The following C2CD2 variants were observed in gnomAD, a reference collection of about 807,000 sequenced individuals.
C2CD2 encodes the protein C2 calcium dependent domain containing 2, also known as C2 domain-containing protein 2.
Under a neutral mutation model 74.3 loss-of-function variants are expected in C2CD2, and 43 were observed. The ratio of observed to expected loss-of-function variants is 0.58; its 90% CI spans 0.45 to 0.75. C2CD2 has a LOEUF of 0.75. Ranked by LOEUF, C2CD2 falls within the 30% of genes least tolerant of loss-of-function variation. The pLI, the probability that C2CD2 is intolerant of heterozygous loss-of-function variation, is 0.00. For synonymous variants in C2CD2, 422 were observed against 390.7 expected (o/e 1.08, Z -0.94); for missense variants, 801 against 916.3 (o/e 0.87, Z 1.63).
chr21:41,898,985 T>C, intron 13 of C2CD2, 68 bp downstream of exon 13: 2 of 1,233,996 alleles, frequency 1.6e-6, no homozygotes, highest in Non-Finnish European at 2.4e-6. Context: ...TGACTTCAGC[T>C]TGGAAGCCAG....
chr21:41,905,888 C>G, intron 10 of C2CD2, 51 bp from the exon 11 acceptor site: 2 of 978,190 alleles, frequency 2.0e-6, no homozygotes, highest in South Asian at 2.6e-5. Flanking sequence ...CTGACTGGAT[C>G]AACAGTTACC....
chr21:41,907,744 C>T lies in C2CD2; in HGVS notation c.1059G>A (p.Lys353=). 1.2e-6 allele frequency: 2 copies of T among 1,613,856 alleles called. No individual in the cohort carries two copies. The part of the protein sequence containing the change: ...ATATVPLDLF[K]KQPSGPQSFT... ...AGCTCTGTGGCCCAGAAGGCTGCTTCTTAAATAAGTCCAGAGGAACTGTCG... is the reference window on the plus strand; with the variant it reads ...AGCTCTGTGGCCCAGAAGGCTGCTTTTTAAATAAGTCCAGAGGAACTGTCG... The change falls in exon 9 of 14, where the codon AAG becomes AAA. Residue 353 remains lysine, a synonymous_variant. Coordinates refer to ENST00000380486, the MANE Select transcript of C2CD2 (RefSeq NM_015500.2).
chr21:41,898,246 T>C (rs2064847071), intron 13 of C2CD2, among the ~76,000 whole-genome samples: 1 of 152,200 alleles, frequency 6.6e-6, no homozygotes, highest in South Asian at 2.1e-4. Flanking sequence ...CCCCCAGTCC[T>C]GTCTTCTGCA....
At chr21:41,901,953 C>T (rs1436821091) in intron 11 of C2CD2, among the ~76,000 whole-genome samples, 2 of 152,162 alleles carry the variant, frequency 1.3e-5, no homozygotes, top group Non-Finnish European at 2.9e-5. Flanking sequence ...CAGCTAGAGA[C>T]CACAGGTAAA....
At chr21:41,902,639 G>A (rs901015918) in intron 11 of C2CD2, among the ~76,000 whole-genome samples, 4 of 152,220 alleles carry the variant, frequency 2.6e-5, no homozygotes, top group Non-Finnish European at 4.4e-5. Flanking sequence ...AGGAACTTCT[G>A]TCTCGGTTTT....
intron 4 of C2CD2, among the ~76,000 whole-genome samples, chr21:41,918,483 G>A (rs548603932): frequency 9.9e-5 from 15 of 152,204 alleles, no homozygotes; most frequent in Admixed American, 7.2e-4. Context: ...ATGGTGGAGC[G>A]TCAAGCAGGT....
chr21:41,926,661 T>C lies in C2CD2; in HGVS notation c.379-4576A>G. 1 of 983,866 alleles carries C rather than the reference T, an allele frequency of 1.0e-6. No individual in the cohort carries two copies. Among genetic ancestry groups the C allele is most frequent in the South Asian group, 4.7e-5 (1 of 21,240 alleles). 60.9% of individuals were successfully genotyped at this position (983,866 alleles called of 1,614,324 possible). ...GCACAGTTACTCCAGATTTTGCTACTGTTCACCAACAAGAGAGCCCCTGAG... is the reference window on the plus strand; with the variant it reads ...GCACAGTTACTCCAGATTTTGCTACCGTTCACCAACAAGAGAGCCCCTGAG... On this transcript the variant is annotated intron_variant, in intron 2 of 13. Coordinates refer to ENST00000380486, the MANE Select transcript of C2CD2 (RefSeq NM_015500.2). This position sits in a 1 kb window ranked among gnomAD's most constrained non-coding sequence, Gnocchi z 8.0.
chr21:41,948,458 A>C (rs749064101), intron 1 of C2CD2, among the ~76,000 whole-genome samples: 6 of 152,230 alleles, frequency 3.9e-5, no homozygotes, highest in Non-Finnish European at 8.8e-5. Context: ...TGAGACCCAA[A>C]AGATTTAGAG....
chr21:41,953,566 G>C lies in C2CD2; in HGVS notation c.83C>G (p.Thr28Arg). 1 of 1,499,098 alleles carries C rather than the reference G, an allele frequency of 6.7e-7. No individual in the cohort carries two copies. Among genetic ancestry groups the C allele is most frequent in the South Asian group, 1.3e-5 (1 of 79,654 alleles). 92.9% of individuals were successfully genotyped at this position (1,499,098 alleles called of 1,614,324 possible). A position where few individuals can be genotyped will look rare whatever the true frequency, so the allele number is the denominator to read the frequency against. Residue 28 changes from threonine to arginine, a missense_variant, in exon 1 of 14, where the codon ACG becomes AGG. Physicochemically the swap from Thr to Arg is moderately conservative, Grantham distance 71. Transcript: ENST00000380486. ...LVSLFVAALA[T>R]VGLYLAQWAL... The stretch of plus-strand genomic sequence containing the variant: ...CCACTGCGCCAGGTACAGGCCTACC[G>C]TGGCCAGGGCCGCGACGAAGAGCGA...
In C2CD2 at chr21:41,903,670, G is replaced by A. The variant is rs567568259; in HGVS notation, c.1433-1921C>T. Among the ~76,000 whole-genome samples, 7 of 152,270 alleles carry A rather than the reference G, an allele frequency of 4.6e-5. No individual in the cohort carries two copies. The highest frequency in any genetic ancestry group is 1.9e-4 in the East Asian group (1 of 5,182). On this transcript the variant is annotated intron_variant, in intron 11 of 13. Transcript: ENST00000380486. The surrounding 1 kb of genome is among the most constrained non-coding windows in gnomAD (Gnocchi z 4.5). ...AATTCCCAAAGCCACCAAGGGAGAC[G>A]TGTCGGGAGCACGTCCTCCTCACGC...
chr21:41,909,534 G>C lies in C2CD2; in HGVS notation c.954-11C>G. ...TTGGCATTCAACTCGCTTTGGAAGAGAAACAAGTTATGAGTCCTAAAAAAT... is the reference window on the plus strand; with the variant it reads ...TTGGCATTCAACTCGCTTTGGAAGACAAACAAGTTATGAGTCCTAAAAAAT... On this transcript the variant is annotated splice_polypyrimidine_tract_variant and intron_variant, in intron 7 of 13. Coordinates refer to ENST00000380486, the MANE Select transcript of C2CD2 (RefSeq NM_015500.2). 6.3e-7 allele frequency: 1 copy of C among 1,599,860 alleles called. No homozygotes were observed. Among genetic ancestry groups the C allele is most frequent in the Non-Finnish European group, 8.6e-7 (1 of 1,167,020 alleles).
chr21:41,929,226 A>AG lies in C2CD2; in HGVS notation c.379-7142dup, dbSNP rs1240610197. On this transcript the variant is annotated intron_variant, in intron 2 of 13. Transcript: ENST00000380486. This position sits in a 1 kb window ranked among gnomAD's most constrained non-coding sequence, Gnocchi z 4.6. The stretch of plus-strand genomic sequence containing the variant: ...TTCACTCTGGCCTCTGCTGCGTCAG[A>AG]GCTCCATACCTTGGCCAAGTGACTG... Among the ~76,000 whole-genome samples, 2 of 152,132 alleles carry AG rather than the reference A, an allele frequency of 1.3e-5. No homozygotes were observed. The highest frequency in any genetic ancestry group is 2.9e-5 in the Non-Finnish European group (2 of 68,030).
chr21:41,913,570 T>A (rs1382479009), intron 6 of C2CD2, among the ~76,000 whole-genome samples: 1 of 152,190 alleles, frequency 6.6e-6, no homozygotes, highest in Non-Finnish European at 1.5e-5. Flanking sequence ...CAGTACAGGC[T>A]GAAAGGGCAA....
chr21:41,937,363 T>C (rs1312299902), intron 2 of C2CD2, among the ~76,000 whole-genome samples: 2 of 152,188 alleles, frequency 1.3e-5, no homozygotes, highest in Admixed American at 6.5e-5. Flanking sequence ...GTGATCCACC[T>C]GCCTCAGCCT....
chr21:41,905,170 T>C (rs1200747194), intron 11 of C2CD2, among the ~76,000 whole-genome samples: 1 of 152,198 alleles, frequency 6.6e-6, no homozygotes, highest in Non-Finnish European at 1.5e-5. Context: ...AAAGTCTCAG[T>C]TGGCTTTTTA....
rs892088886 is a variant in C2CD2 at position 41,929,612 on chromosome 21, T to C, written c.379-7527A>G. On this transcript the variant is annotated intron_variant, in intron 2 of 13. Transcript: ENST00000380486. This position sits in a 1 kb window ranked among gnomAD's most constrained non-coding sequence, Gnocchi z 4.6. ...ATTTAAAACTTTCAGTTCCAGCTGA[T>C]GGTTATACCATTGGGAGCCTCCATT... Among the ~76,000 whole-genome samples, 2 of 152,232 alleles carry C rather than the reference T, an allele frequency of 1.3e-5. No individual in the cohort carries two copies. The highest frequency in any genetic ancestry group is 4.8e-5 in the African/African-American group (2 of 41,460).
intron 12 of C2CD2, among the ~76,000 whole-genome samples, chr21:41,900,580 G>A (rs368268283): frequency 9.2e-5 from 14 of 152,326 alleles, no homozygotes; most frequent in African/African-American, 2.9e-4. Flanking sequence ...CCTCTGGGAC[G>A]TGGGGCAAGG....
chr21:41,893,136 C>T (rs560648889), intron 13 of C2CD2, among the ~76,000 whole-genome samples: 1 of 152,262 alleles, frequency 6.6e-6, no homozygotes, highest in East Asian at 1.9e-4. Flanking sequence ...AGCAAGACCC[C>T]ATCTCTATTT....
rs939372150 is a variant in C2CD2 at position 41,932,799 on chromosome 21, G to A, written c.378+9348C>T. ...GAAGACCGCACTCTGTGTAGACTAT[G>A]CAGAGAGGGTTTTGCAGATGAACCA... On this transcript the variant is annotated intron_variant, in intron 2 of 13. Transcript: ENST00000380486. Among the ~76,000 whole-genome samples, 9 of 150,678 alleles carry A rather than the reference G, an allele frequency of 6.0e-5. 1 individual carries two copies. Among genetic ancestry groups the A allele is most frequent in the African/African-American group, 2.2e-4 (9 of 41,372 alleles).
Sources: gnomAD v4.1 joint callset for allele counts (sites outside exome capture counted in the v4.1 genomes callset) on GRCh38, gnomAD v4.1.1 for gene constraint, Gnocchi (gnomAD v3.1) non-coding constraint, MANE v1.5 for transcripts, NCBI Gene and HGNC (gene_info 2026-07-23, HGNC 2026-07-21) for gene names.